MALRD1: variants seen among roughly 807,000 people sequenced by gnomAD.
The protein encoded by MALRD1 is MAM and LDL receptor class A domain containing 1, also known as MAM and LDL-receptor class A domain-containing protein 1.
In MALRD1, 247 loss-of-function variants were observed where a neutral mutation model predicts 242.1. That is an observed-to-expected ratio of 1.02 (90% CI 0.92 to 1.13). The LOEUF (loss-of-function observed/expected upper bound fraction) is 1.13. Ranked by LOEUF, MALRD1 falls within the 50% of genes most tolerant of loss-of-function variation. The probability of loss-of-function intolerance (pLI) is 0.00; values close to 1 mark genes in which losing one functional copy is unlikely to be tolerated. For synonymous variants in MALRD1, 995 were observed against 866.6 expected, an observed-to-expected ratio of 1.15 and a Z score of -2.60; for missense variants, 2,989 against 2,533.1, an observed-to-expected ratio of 1.18 and a Z score of -3.86.
intron 34 of MALRD1, among the ~76,000 whole-genome samples, chr10:19,601,437 G>A (rs1589292044): frequency 6.6e-6 from 1 of 151,758 alleles, no homozygotes; most frequent in Non-Finnish European, 1.5e-5. Flanking sequence ...AATATTAGAT[G>A]CATTCATAAT....
intron 28 of MALRD1, among the ~76,000 whole-genome samples, chr10:19,401,246 T>A (rs771017526): frequency 1.3e-5 from 2 of 152,198 alleles, no homozygotes; most frequent in Non-Finnish European, 2.9e-5. Context: ...ATTCTATTTG[T>A]GTTATTTAAC....
intron 38 of MALRD1, among the ~76,000 whole-genome samples, chr10:19,719,003 T>TA (rs915458263): frequency 7.5e-5 from 11 of 146,320 alleles, no homozygotes; most frequent in Non-Finnish European, 1.1e-4. Context: ...CAGAACAATT[T>TA]AAAAAAAAAA....
At chr10:19,470,043 C>A (rs1403975423) in intron 29 of MALRD1, among the ~76,000 whole-genome samples, 2 of 151,944 alleles carry the variant, frequency 1.3e-5, no homozygotes, top group Admixed American at 1.3e-4. Context: ...CAATATAGGG[C>A]AACTCCAGAA....
At chr10:19,408,771 C>T (rs181721171) in intron 28 of MALRD1, among the ~76,000 whole-genome samples, 284 of 152,112 alleles carry the variant, frequency 1.9e-3, no homozygotes, top group Middle Eastern at 3.4e-3. Flanking sequence ...ATGATAATAA[C>T]GTCAATACCA....
chr10:19,147,030 T>C (rs1833749014), intron 11 of MALRD1, among the ~76,000 whole-genome samples: 1 of 152,174 alleles, frequency 6.6e-6, no homozygotes, highest in Admixed American at 6.5e-5. Context: ...TTTAAATGTA[T>C]ATATTTTAAG....
At chr10:19,534,728 A>G (rs1471612822) in intron 32 of MALRD1, among the ~76,000 whole-genome samples, 1 of 152,174 alleles carries the variant, frequency 6.6e-6, no homozygotes, top group Non-Finnish European at 1.5e-5. Flanking sequence ...TGCTAGCTGG[A>G]CTATCAGTTT....
At chr10:19,170,536 G>A (rs1191716802) in intron 13 of MALRD1, among the ~76,000 whole-genome samples, 3 of 152,058 alleles carry the variant, frequency 2.0e-5, no homozygotes, top group Non-Finnish European at 4.4e-5. Flanking sequence ...ATTATTTGAC[G>A]ATTCAGTGAA....
At chr10:19,251,741 T>C (rs984660871) in intron 18 of MALRD1, among the ~76,000 whole-genome samples, 1 of 152,046 alleles carries the variant, frequency 6.6e-6, no homozygotes, top group South Asian at 2.1e-4. Flanking sequence ...TGATATGGTT[T>C]GACTCTATGT....
chr10:19,669,209 A>G (rs545363708), intron 36 of MALRD1, among the ~76,000 whole-genome samples: 91 of 152,370 alleles, frequency 6.0e-4, no homozygotes, highest in African/African-American at 2.1e-3. Flanking sequence ...AAGTTAATGG[A>G]GAAGCTATCT....
chr10:19,606,960 T>C (rs1030805763), intron 34 of MALRD1, among the ~76,000 whole-genome samples: 2 of 152,138 alleles, frequency 1.3e-5, no homozygotes, highest in Non-Finnish European at 2.9e-5. Flanking sequence ...AGCTTCCTAA[T>C]AGACAAATCA....
intron 21 of MALRD1, among the ~76,000 whole-genome samples, chr10:19,296,988 T>C (rs1190805812): frequency 6.6e-6 from 1 of 151,622 alleles, no homozygotes; most frequent in Non-Finnish European, 1.5e-5. Context: ...TCATATGTTG[T>C]TAGTAAGTCT....
chr10:19,152,534 A>G (rs1833979019), intron 11 of MALRD1, among the ~76,000 whole-genome samples: 1 of 151,810 alleles, frequency 6.6e-6, no homozygotes, highest in African/African-American at 2.4e-5. Context: ...TTCTTCATAT[A>G]AATCATGTCC....
Position 19,162,986 on chromosome 10 carries a change from A to C in MALRD1, c.1657-2651A>C, listed in dbSNP as rs1174088371. 2.6e-5 allele frequency among the ~76,000 whole-genome samples: 4 copies of C among 151,634 alleles called. No individual in the cohort carries two copies. The East Asian group carries it at 7.8e-4, about 30-fold the overall frequency. On this transcript the variant is annotated intron_variant, in intron 12 of 39. Coordinates refer to ENST00000454679, the MANE Select transcript of MALRD1 (RefSeq NM_001142308.3). ...TCATCTCTACTAAAAAGTTAAAAAAAAATTAGCTGGGTGTGGTGGTGCAAG... is the reference window on the plus strand; with the variant it reads ...TCATCTCTACTAAAAAGTTAAAAAACAATTAGCTGGGTGTGGTGGTGCAAG...
At chr10:19,195,454 T>C (rs1481693989) in intron 14 of MALRD1, among the ~76,000 whole-genome samples, 1 of 152,150 alleles carries the variant, frequency 6.6e-6, no homozygotes, top group African/African-American at 2.4e-5. Context: ...TGATCGTGTC[T>C]CCCAAATTTA....
At chr10:19,630,166 A>G (rs892484271) in intron 36 of MALRD1, among the ~76,000 whole-genome samples, 1 of 152,140 alleles carries the variant, frequency 6.6e-6, no homozygotes, top group African/African-American at 2.4e-5. Context: ...TATGTCCATC[A>G]GGGAAAAGAA....
chr10:19,380,763 A>C lies in MALRD1; in HGVS notation c.4442-6765A>C, dbSNP rs117850387. On this transcript the variant is annotated intron_variant, in intron 26 of 39. Coordinates refer to ENST00000454679, the MANE Select transcript of MALRD1 (RefSeq NM_001142308.3). ...GTTATGCCACATTTTGATACATTAC[A>C]TAAAAATTTGGCATTATTGTTGTCA... Among the ~76,000 whole-genome samples, 112 of 152,306 alleles carry C rather than the reference A, an allele frequency of 7.4e-4. No individual in the cohort carries two copies. The East Asian group carries it at 0.02, about 27-fold the overall frequency.
intron 33 of MALRD1, among the ~76,000 whole-genome samples, chr10:19,585,124 C>T (rs1258004005): frequency 1.3e-5 from 2 of 152,120 alleles, no homozygotes; most frequent in Non-Finnish European, 2.9e-5. Flanking sequence ...TGTGTCTCTG[C>T]TCGTGAGATG....
intron 36 of MALRD1, among the ~76,000 whole-genome samples, chr10:19,672,658 A>G (rs1344283882): frequency 2.0e-5 from 3 of 152,056 alleles, no homozygotes; most frequent in Non-Finnish European, 4.4e-5. Flanking sequence ...TCCTGACCTC[A>G]GGTGATCTGT....
chr10:19,221,167 G>T (rs1413773683), intron 18 of MALRD1, among the ~76,000 whole-genome samples: 2 of 152,070 alleles, frequency 1.3e-5, no homozygotes, highest in African/African-American at 4.8e-5. Flanking sequence ...TTTGTGGGGT[G>T]TGTCTTAAAT....
Sources: allele counts gnomAD v4.1 joint callset (sites outside exome capture counted in the v4.1 genomes callset), GRCh38; gene constraint gnomAD v4.1.1; transcripts MANE v1.5; gene names NCBI Gene and HGNC (gene_info 2026-07-23, HGNC 2026-07-21).